The following PHACTR2 variants were observed in gnomAD, a reference collection of about 807,000 sequenced individuals.
The protein encoded by PHACTR2 is phosphatase and actin regulator 2, also known as chromosome 6 open reading frame 56.
A neutral mutation model predicts 76.0 loss-of-function variants in PHACTR2; 30 were observed. The observed-to-expected ratio is 0.39, with a 90% CI of 0.30 to 0.54. The LOEUF (loss-of-function observed/expected upper bound fraction) is 0.54. Ranked by LOEUF, PHACTR2 falls within the 20% of genes least tolerant of loss-of-function variation. The pLI is 0.61. For synonymous variants in PHACTR2, 292 were observed against 292.5 expected, an observed-to-expected ratio of 1.00 and a Z score of 0.02; for missense variants, 696 against 781.1, an observed-to-expected ratio of 0.89 and a Z score of 1.30.
rs1393427680 is a variant in PHACTR2 at position 143,646,164 on chromosome 6, A to G, written c.13+37842A>G. ...GAGCATCTCTTATGTCTGAGGTCAT[A>G]GGCTGGGTACAAGAGAGGTATAAAT... On this transcript the variant is annotated intron_variant, in intron 1 of 11. Coordinates refer to the PHACTR2 transcript ENST00000305766. The surrounding 1 kb of genome is among the most constrained non-coding windows in gnomAD (Gnocchi z 4.1). 6.6e-6 allele frequency among the ~76,000 whole-genome samples: 1 copy of G among 152,146 alleles called. No individual in the cohort carries two copies. The highest frequency in any genetic ancestry group is 1.9e-4 in the East Asian group (1 of 5,196).
At chr6:143,588,934 T>C (rs1775658789) in intron 1 of PHACTR2, among the ~76,000 whole-genome samples, 1 of 152,216 alleles carries the variant, frequency 6.6e-6, no homozygotes, top group East Asian at 1.9e-4. Context: ...ATTAGCTAAT[T>C]TGAATCAATG....
rs2128439493 is a variant in PHACTR2, at chr6:143,619,101, C to G, written c.13+10779C>G. On this transcript the variant is annotated intron_variant, in intron 1 of 11. Coordinates refer to the PHACTR2 transcript ENST00000305766. This position sits in a 1 kb window ranked among gnomAD's most constrained non-coding sequence, Gnocchi z 4.5. The stretch of plus-strand genomic sequence containing the variant: ...ATGCAATTTAATATGAGCAGCAGTT[C>G]TTCAACTGAGGAGCCCATTAGAATC... 6.6e-6 allele frequency among the ~76,000 whole-genome samples: 1 copy of G among 152,260 alleles called. No individual in the cohort carries two copies. Among genetic ancestry groups the G allele is most frequent in the Non-Finnish European group, 1.5e-5 (1 of 68,006 alleles).
At chr6:143,635,266 T>C (rs1776430264) in intron 1 of PHACTR2, among the ~76,000 whole-genome samples, 1 of 152,174 alleles carries the variant, frequency 6.6e-6, no homozygotes, top group Non-Finnish European at 1.5e-5. Context: ...TTCCATTATT[T>C]GCATGTACTC....
intron 2 of PHACTR2, among the ~76,000 whole-genome samples, chr6:143,720,982 A>G (rs1185864699): frequency 6.6e-6 from 1 of 152,186 alleles, no homozygotes; most frequent in Non-Finnish European, 1.5e-5. Context: ...ATTCTATACA[A>G]TTTTACCAGA....
Position 143,742,117 on chromosome 6 carries a change from AC to A in PHACTR2, c.215-6867del, listed in dbSNP as rs561468612. Among the ~76,000 whole-genome samples the A allele has an allele frequency of 1.0e-3, 154 of 152,034 alleles. 1 individual carries two copies. The highest frequency in any genetic ancestry group is 6.8e-3 in the Middle Eastern group (2 of 294). ...TGAAACTCCATCTCAAAAAAAAAAA[AC>A]AACAACATTTATTTGATACTTTTTT... On this transcript the variant is annotated intron_variant, in intron 2 of 12. Coordinates refer to ENST00000440869, the MANE Select transcript of PHACTR2 (RefSeq NM_001100164.2). This position sits in a 1 kb window ranked among gnomAD's most constrained non-coding sequence, Gnocchi z 4.5.
At position 143,583,595 on chromosome 6, in the gene PHACTR2, T is replaced by C. The variant is rs1481499845; in HGVS notation, c.217+46388T>C. Reference sequence around the variant, plus strand: ...TTGCCTGGAAGGCAGTGTGTTAGTATGGAGAGAGCGAGGGCTAAAGTAGAG... The same window carrying C: ...TTGCCTGGAAGGCAGTGTGTTAGTACGGAGAGAGCGAGGGCTAAAGTAGAG... On this transcript the variant is annotated intron_variant, in intron 1 of 11. Coordinates refer to the PHACTR2 transcript ENST00000367584. This position sits in a 1 kb window ranked among gnomAD's most constrained non-coding sequence, Gnocchi z 4.0. 2.0e-5 allele frequency among the ~76,000 whole-genome samples: 3 copies of C among 152,244 alleles called. No homozygotes were observed. Among genetic ancestry groups the C allele is most frequent in the Non-Finnish European group, 4.4e-5 (3 of 68,040 alleles).
intron 1 of PHACTR2, among the ~76,000 whole-genome samples, chr6:143,629,507 C>G (rs1261028341): frequency 1.3e-5 from 2 of 152,156 alleles, no homozygotes; most frequent in African/African-American, 4.8e-5. Context: ...CCTAATGGTA[C>G]CTCTACAAAA....
chr6:143,552,036 C>CT (rs1232680770), intron 1 of PHACTR2, among the ~76,000 whole-genome samples: 5 of 152,228 alleles, frequency 3.3e-5, no homozygotes, highest in African/African-American at 9.6e-5. Context: ...TGAGTATAGA[C>CT]TGTCTCCCTC....
rs1055289872 is a variant in PHACTR2 at position 143,710,620 on chromosome 6, C to G, written c.47-1396C>G. Among the ~76,000 whole-genome samples the G allele has an allele frequency of 3.3e-5, 5 of 152,168 alleles. No homozygotes were observed. Among genetic ancestry groups the G allele is most frequent in the Non-Finnish European group, 7.3e-5 (5 of 68,036 alleles). Reference sequence around the variant, plus strand: ...GCTGAGGCAGGAGAATTGCTTGAACCAAGGAGGCGGTGGTTGCAGTGAGCT... The same window carrying G: ...GCTGAGGCAGGAGAATTGCTTGAACGAAGGAGGCGGTGGTTGCAGTGAGCT... On this transcript the variant is annotated intron_variant, in intron 1 of 12. Transcript: ENST00000440869. The surrounding 1 kb of genome is among the most constrained non-coding windows in gnomAD (Gnocchi z 4.9).
At position 143,755,036 on chromosome 6, in the gene PHACTR2, C is replaced by T. The variant is rs1294789048; in HGVS notation, c.454+1124C>T. ...CGTTCATTATTTGCATATATATTAGCCTTTAAAAGTTTTAGAAGCCTGTGT... is the reference window on the plus strand; with the variant it reads ...CGTTCATTATTTGCATATATATTAGTCTTTAAAAGTTTTAGAAGCCTGTGT... On this transcript the variant is annotated intron_variant, in intron 4 of 12. Transcript: ENST00000440869. The surrounding 1 kb of genome is among the most constrained non-coding windows in gnomAD (Gnocchi z 5.2). Among the ~76,000 whole-genome samples the T allele has an allele frequency of 6.6e-6, 1 of 152,138 alleles. No homozygotes were observed. Among genetic ancestry groups the T allele is most frequent in the Non-Finnish European group, 1.5e-5 (1 of 68,032 alleles).
chr6:143,614,178 C>T (rs1320399679), intron 1 of PHACTR2, among the ~76,000 whole-genome samples: 4 of 152,166 alleles, frequency 2.6e-5, no homozygotes, highest in African/African-American at 7.2e-5. Context: ...GCCGAGACCA[C>T]GCCATTGCAC....
intron 1 of PHACTR2, among the ~76,000 whole-genome samples, chr6:143,560,919 G>GTGTGTGTGTGTT (rs1775261962): frequency 6.6e-6 from 1 of 150,532 alleles, no homozygotes; most frequent in South Asian, 2.1e-4. Context: ...GTGTGTGTGT[G>GTGTGTGTGTGTT]TGTGTGTTAG....
chr6:143,741,984 A>C (rs1778955824), intron 2 of PHACTR2, among the ~76,000 whole-genome samples: 1 of 152,048 alleles, frequency 6.6e-6, no homozygotes, highest in Non-Finnish European at 1.5e-5. Context: ...GGGCACCTGT[A>C]ATCCCAGCTA....
chr6:143,684,283 T>C lies in PHACTR2; in HGVS notation c.46+6074T>C, dbSNP rs1777464081. On this transcript the variant is annotated intron_variant, in intron 1 of 12. Transcript: ENST00000440869. This position sits in a 1 kb window ranked among gnomAD's most constrained non-coding sequence, Gnocchi z 4.3. ...CCTCCAAGCCAGTTCTTCCCTTGAC[T>C]TTCTACATTTCACCAAATGATACCC... Among the ~76,000 whole-genome samples, 1 of 152,176 alleles carries C rather than the reference T, an allele frequency of 6.6e-6. No individual in the cohort carries two copies. Among genetic ancestry groups the C allele is most frequent in the South Asian group, 2.1e-4 (1 of 4,824 alleles).
At chr6:143,759,202 G>A (rs906989953) in intron 4 of PHACTR2, among the ~76,000 whole-genome samples, 17 of 152,284 alleles carry the variant, frequency 1.1e-4, no homozygotes, top group African/African-American at 3.9e-4. Context: ...TTTCTCCTCC[G>A]GTTACACAAA....
Position 143,801,871 on chromosome 6 carries a change from A to G in PHACTR2, c.1846-5186A>G, listed in dbSNP as rs998531454. Among the ~76,000 whole-genome samples, 2 of 152,202 alleles carry G rather than the reference A, an allele frequency of 1.3e-5. No individual in the cohort carries two copies. The highest frequency in any genetic ancestry group is 2.9e-5 in the Non-Finnish European group (2 of 68,034). ...TTGGTCTTTGATGTTGGTGACCTACAGATGGGGTTTGGGTGTGGATGTCCT... is the reference window on the plus strand; with the variant it reads ...TTGGTCTTTGATGTTGGTGACCTACGGATGGGGTTTGGGTGTGGATGTCCT... On this transcript the variant is annotated intron_variant, in intron 11 of 12. Transcript: ENST00000440869. The surrounding 1 kb of genome is among the most constrained non-coding windows in gnomAD (Gnocchi z 4.6).
chr6:143,630,048 A>G (rs1184736384), intron 1 of PHACTR2, among the ~76,000 whole-genome samples: 1 of 151,904 alleles, frequency 6.6e-6, no homozygotes, highest in Non-Finnish European at 1.5e-5. Context: ...TCTCTGTGAC[A>G]AGAAGAAGAT....
rs1777001013 is a variant in PHACTR2, at chr6:143,664,568, C to G, written c.14-47448C>G. Among the ~76,000 whole-genome samples, 1 of 152,062 alleles carries G rather than the reference C, an allele frequency of 6.6e-6. No individual in the cohort carries two copies. Among genetic ancestry groups the G allele is most frequent in the Non-Finnish European group, 1.5e-5 (1 of 67,994 alleles). ...GAAGCTTATAGTTATATCTTTCTTACTATTTGAAACAGTTACTTTTTCTAA... is the reference window on the plus strand; with the variant it reads ...GAAGCTTATAGTTATATCTTTCTTAGTATTTGAAACAGTTACTTTTTCTAA... On this transcript the variant is annotated intron_variant, in intron 1 of 11. Transcript: ENST00000305766. The surrounding 1 kb of genome is among the most constrained non-coding windows in gnomAD (Gnocchi z 5.1).
At chr6:143,802,932 T>G (rs1775990355) in intron 11 of PHACTR2, among the ~76,000 whole-genome samples, 1 of 152,178 alleles carries the variant, frequency 6.6e-6, no homozygotes, top group Admixed American at 6.5e-5. Context: ...GGTATATTTT[T>G]TTCAAACAAC....
Sources: allele counts gnomAD v4.1 joint callset (sites outside exome capture counted in the v4.1 genomes callset), GRCh38; gene constraint gnomAD v4.1.1; non-coding constraint Gnocchi (gnomAD v3.1); transcripts MANE v1.5; gene names NCBI Gene and HGNC (gene_info 2026-07-23, HGNC 2026-07-21).